The following GRM7 variants were observed in gnomAD, a reference collection of about 807,000 sequenced individuals.
GRM7 encodes the protein glutamate metabotropic receptor 7, also known as metabotropic glutamate receptor 7.
GRM7 carries 35 observed loss-of-function variants against 84.5 expected under a neutral mutation model. The ratio of observed to expected loss-of-function variants is 0.41; its 90% CI spans 0.32 to 0.55. The LOEUF (loss-of-function observed/expected upper bound fraction) is 0.55, where lower values mean the gene tolerates loss of function less well. Ranked by LOEUF, GRM7 falls within the 20% of genes least tolerant of loss-of-function variation. GRM7 has a pLI of 0.19. For missense variants in GRM7, 1,003 were observed against 1,194.6 expected (o/e 0.84, Z 2.36); for synonymous variants, 487 against 455.1 (o/e 1.07, Z -0.89).
chr3:7,169,406 T>C (rs1252466716), intron 2 of GRM7, among the ~76,000 whole-genome samples: 2 of 152,198 alleles, frequency 1.3e-5, no homozygotes, highest in African/African-American at 4.8e-5. Flanking sequence ...TGTGGCCAGG[T>C]GACACTCTAA....
chr3:7,079,224 T>C (rs758568338), intron 1 of GRM7, among the ~76,000 whole-genome samples: 8 of 152,160 alleles, frequency 5.3e-5, no homozygotes, highest in Non-Finnish European at 1.2e-4. Context: ...TAAAGAATTT[T>C]ACAGTGTAAG....
chr3:7,607,078 G>A (rs56121108), intron 8 of GRM7: 82,366 of 151,986 alleles, frequency 0.54, 22,724 homozygotes, highest in Non-Finnish European at 0.61. Flanking sequence ...AACCAAGGCA[G>A]ATGAGTTTTA....
intron 2 of GRM7, among the ~76,000 whole-genome samples, chr3:7,288,293 A>T (rs1384771788): frequency 1.3e-5 from 2 of 152,116 alleles, no homozygotes; most frequent in Non-Finnish European, 2.9e-5. Context: ...TACCATTTAG[A>T]TGACTTTGAT....
chr3:6,899,204 T>G (rs1040426649), intron 1 of GRM7, among the ~76,000 whole-genome samples: 2 of 152,162 alleles, frequency 1.3e-5, no homozygotes, highest in African/African-American at 4.8e-5. Context: ...GCTAGTTCTT[T>G]TACATATCTT....
intron 1 of GRM7, among the ~76,000 whole-genome samples, chr3:6,933,859 T>A (rs1180215534): frequency 6.6e-6 from 1 of 152,198 alleles, no homozygotes; most frequent in Non-Finnish European, 1.5e-5. Context: ...GTAACTTTCT[T>A]TCTTTTTTAG....
intron 1 of GRM7, among the ~76,000 whole-genome samples, chr3:6,988,672 C>G (rs908014212): frequency 1.3e-5 from 2 of 152,124 alleles, no homozygotes; most frequent in Non-Finnish European, 2.9e-5. Context: ...CACACCACAG[C>G]AATAGAAATT....
intron 2 of GRM7, among the ~76,000 whole-genome samples, chr3:7,255,861 C>G (rs1698175585): frequency 6.6e-6 from 1 of 152,208 alleles, no homozygotes; most frequent in Admixed American, 6.5e-5. Flanking sequence ...TTCTGTCTAT[C>G]TACTCTTGGA....
At chr3:7,330,139 A>G (rs1701144709) in intron 4 of GRM7, among the ~76,000 whole-genome samples, 1 of 152,166 alleles carries the variant, frequency 6.6e-6, no homozygotes, top group Non-Finnish European at 1.5e-5. Context: ...AATGAACCCA[A>G]AAGGTCTCGT....
intron 1 of GRM7, among the ~76,000 whole-genome samples, chr3:7,126,339 C>A (rs1693398435): frequency 6.6e-6 from 1 of 152,174 alleles, no homozygotes; most frequent in African/African-American, 2.4e-5. Flanking sequence ...GTAAGTAGAT[C>A]AACAGAGGTC....
intron 6 of GRM7, among the ~76,000 whole-genome samples, chr3:7,460,831 A>G (rs1698216041): frequency 6.6e-6 from 1 of 152,266 alleles, no homozygotes; most frequent in Admixed American, 6.5e-5. Flanking sequence ...TATATTAAGT[A>G]TGGACAGATA....
chr3:7,221,845 C>T (rs536522550), intron 2 of GRM7, among the ~76,000 whole-genome samples: 5 of 128,354 alleles, frequency 3.9e-5, no homozygotes, highest in East Asian at 4.7e-4. Context: ...CTTACTCTGT[C>T]GCCAAGCCTG....
intron 3 of GRM7, among the ~76,000 whole-genome samples, chr3:7,299,929 ATG>A (rs1699939398): frequency 1.3e-5 from 2 of 152,110 alleles, no homozygotes; most frequent in South Asian, 2.1e-4. Context: ...TTAATCTACA[ATG>A]TGTTATGCAA....
At chr3:7,209,192 G>A (rs1353144495) in intron 2 of GRM7, among the ~76,000 whole-genome samples, 1 of 152,170 alleles carries the variant, frequency 6.6e-6, no homozygotes, top group Non-Finnish European at 1.5e-5. Flanking sequence ...ACAAATCAGA[G>A]TGGTTTTAGG....
In GRM7 at chr3:7,360,135, C is replaced by CTG. The variant is rs1191039401; in HGVS notation, c.1033+53484_1033+53485insGT. ...CTCTTTCTCCCCCCCTTTTTTTTCC[C>CTG]TCTGTGTGTGTGTGTGTGTGTGTGT... On this transcript the variant is annotated intron_variant, in intron 4 of 9. Transcript: ENST00000357716. Among the ~76,000 whole-genome samples the CTG allele has an allele frequency of 6.2e-4, 64 of 103,010 alleles. 3 individuals carry two copies. Among genetic ancestry groups the CTG allele is most frequent in the African/African-American group, 2.8e-3 (63 of 22,440 alleles). 67.6% of individuals were successfully genotyped at this position (103,010 alleles called of 152,430 possible).
intron 9 of GRM7, among the ~76,000 whole-genome samples, chr3:7,714,871 T>G (rs1701716882): frequency 6.6e-6 from 1 of 152,184 alleles, no homozygotes; most frequent in Non-Finnish European, 1.5e-5. Context: ...TTCCCACCTA[T>G]GAAGGTTTGC....
intron 1 of GRM7, among the ~76,000 whole-genome samples, chr3:6,963,413 G>A (rs934211510): frequency 1.3e-5 from 2 of 152,168 alleles, no homozygotes; most frequent in Non-Finnish European, 2.9e-5. Flanking sequence ...ATAGATTACT[G>A]CATAAAAAAT....
intron 3 of GRM7, among the ~76,000 whole-genome samples, chr3:7,304,002 T>C (rs1340525531): frequency 6.6e-6 from 1 of 152,022 alleles, no homozygotes; most frequent in Non-Finnish European, 1.5e-5. Context: ...ATGTTCTCAT[T>C]CTGCCTCTAC....
intron 1 of GRM7, among the ~76,000 whole-genome samples, chr3:6,930,835 A>T (rs1697474175): frequency 6.6e-6 from 1 of 152,312 alleles, no homozygotes; most frequent in East Asian, 1.9e-4. Flanking sequence ...GTCTTTTCCT[A>T]TATTTTTGAG....
chr3:7,550,547 TTC>T (rs113713129), intron 7 of GRM7, among the ~76,000 whole-genome samples: 4,624 of 103,024 alleles, frequency 0.045, 147 homozygotes, highest in African/African-American at 0.096. Context: ...CTCCCTTTTC[TTC>T]TCTCTCTCTC....
Sources: gnomAD v4.1 joint callset for allele counts (sites outside exome capture counted in the v4.1 genomes callset) on GRCh38, gnomAD v4.1.1 for gene constraint, MANE v1.5 for transcripts, NCBI Gene and HGNC (gene_info 2026-07-23, HGNC 2026-07-21) for gene names.